Variants in SCEL observed in about 807,000 individuals in gnomAD.
SCEL encodes sciellin.
A neutral mutation model predicts 117.6 loss-of-function variants in SCEL; 113 were observed. That is an observed-to-expected ratio of 0.96 (90% CI 0.83 to 1.12). The LOEUF (loss-of-function observed/expected upper bound fraction) is 1.12. Among genes scored for constraint, SCEL ranks in the 50% most tolerant of loss-of-function variants. The pLI, the probability that SCEL is intolerant of heterozygous loss-of-function variation, is 0.00. For synonymous variants in SCEL, 270 were observed against 256.2 expected, an observed-to-expected ratio of 1.05 and a Z score of -0.51; for missense variants, 785 against 810.8, an observed-to-expected ratio of 0.97 and a Z score of 0.39.
chr13:77,568,770 G>A (rs1567360696), intron 7 of SCEL, among the ~76,000 whole-genome samples: 1 of 152,058 alleles, frequency 6.6e-6, no homozygotes, highest in Non-Finnish European at 1.5e-5. Flanking sequence ...TATTTAAATG[G>A]AACACATTTT....
At position 77,641,843 on chromosome 13, in the gene SCEL, C is replaced by T. The variant is rs116821545; in HGVS notation, c.1948-863C>T. 2.6e-3 allele frequency among the ~76,000 whole-genome samples: 389 copies of T among 152,168 alleles called. 3 individuals carry two copies. Among genetic ancestry groups the T allele is most frequent in the African/African-American group, 8.9e-3 (371 of 41,522 alleles). On this transcript the variant is annotated intron_variant, in intron 31 of 32. Transcript: ENST00000349847. ...CATAGCAATCAGAAATATAGTAACT[C>T]ATTTTGAGCAAAACATTCCAATTTT...
chr13:77,545,275 C>T (rs1246681223), intron 1 of SCEL, among the ~76,000 whole-genome samples: 1 of 152,150 alleles, frequency 6.6e-6, no homozygotes, highest in African/African-American at 2.4e-5. Flanking sequence ...GAAATAAATC[C>T]AGTTAGCTGA....
chr13:77,627,720 A>T (rs1364115992), intron 27 of SCEL, among the ~76,000 whole-genome samples: 1 of 152,044 alleles, frequency 6.6e-6, no homozygotes, highest in African/African-American at 2.4e-5. Flanking sequence ...AAACCTTCCA[A>T]AAAGTTAGTT....
chr13:77,632,011 C>G (rs2090043742), intron 28 of SCEL, among the ~76,000 whole-genome samples: 3 of 152,250 alleles, frequency 2.0e-5, no homozygotes. Context: ...GGCCTTTCCT[C>G]TGTACACAGA....
At chr13:77,620,054 A>T (rs77103415) in intron 27 of SCEL, among the ~76,000 whole-genome samples, 6,385 of 152,282 alleles carry the variant, frequency 0.042, 193 homozygotes, top group Non-Finnish European at 0.061. Flanking sequence ...TACAGATATG[A>T]TTACTATAAA....
At chr13:77,641,508 G>T (rs1055551756) in intron 31 of SCEL, among the ~76,000 whole-genome samples, 1 of 152,122 alleles carries the variant, frequency 6.6e-6, no homozygotes, top group African/African-American at 2.4e-5. Context: ...GTAAAATGAG[G>T]TGTTGACTAG....
intron 4 of SCEL, among the ~76,000 whole-genome samples, chr13:77,560,873 T>C (rs7982026): frequency 0.058 from 8,822 of 151,746 alleles, 379 homozygotes; most frequent in Admixed American, 0.11. Flanking sequence ...GTGTGGATCT[T>C]AAAAAGTTAA....
chr13:77,637,076 G>T, intron 29 of SCEL, 44 bp from the exon 30 acceptor site: 1 of 999,280 alleles, frequency 1.0e-6, no homozygotes. Flanking sequence ...ATCTACATAA[G>T]GAAAATCACC....
In SCEL at chr13:77,617,882, A is replaced by G. The variant is rs553753613; in HGVS notation, c.1571+20A>G. ...TCAGAGGTATATATAGAAGCAGTCA[A>G]TTCATGTTTTTATTTGTCTGTTGCC... On this transcript the variant is annotated intron_variant, in intron 26 of 32. Coordinates refer to ENST00000349847, the MANE Select transcript of SCEL (RefSeq NM_144777.3). 67 of 1,597,582 alleles carry G rather than the reference A, an allele frequency of 4.2e-5. No homozygotes were observed. The East Asian group carries it at 4.7e-4, about 11-fold the overall frequency.
chr13:77,630,544 G>A (rs892377099), intron 28 of SCEL, among the ~76,000 whole-genome samples: 1 of 152,160 alleles, frequency 6.6e-6, no homozygotes, highest in African/African-American at 2.4e-5. Flanking sequence ...TCTCTTAGGT[G>A]TATACCAGGA....
At chr13:77,634,160 C>T (rs779882042) in intron 28 of SCEL, among the ~76,000 whole-genome samples, 1 of 152,064 alleles carries the variant, frequency 6.6e-6, no homozygotes, top group Non-Finnish European at 1.5e-5. Context: ...TGTAACAATG[C>T]TTAGGAAGTA....
At chr13:77,607,668 G>A (rs566466874) in intron 19 of SCEL, among the ~76,000 whole-genome samples, 1 of 152,200 alleles carries the variant, frequency 6.6e-6, no homozygotes, top group South Asian at 2.1e-4. Context: ...CATGTTGGAG[G>A]TTGATAAAGA....
intron 1 of SCEL, among the ~76,000 whole-genome samples, chr13:77,544,779 A>T (rs577868319): frequency 3.3e-5 from 5 of 152,288 alleles, no homozygotes; most frequent in African/African-American, 1.2e-4. Flanking sequence ...GAAATAGGAG[A>T]TGCTGATAGT....
intron 27 of SCEL, among the ~76,000 whole-genome samples, chr13:77,621,457 G>T (rs954772332): frequency 2.6e-5 from 4 of 152,234 alleles, no homozygotes; most frequent in Admixed American, 2.0e-4. Context: ...CTCTCACTCA[G>T]GCTCTGGGAA....
intron 1 of SCEL, among the ~76,000 whole-genome samples, chr13:77,542,829 T>C (rs993047163): frequency 2.6e-5 from 4 of 152,184 alleles, no homozygotes; most frequent in African/African-American, 9.6e-5. Context: ...TGTTTATTGA[T>C]CTGTAATTAT....
intron 32 of SCEL, among the ~76,000 whole-genome samples, chr13:77,643,836 C>A: frequency 6.6e-6 from 1 of 152,108 alleles, no homozygotes; most frequent in East Asian, 1.9e-4. Context: ...ATTCACTTTT[C>A]TTCCTGAGTT....
intron 3 of SCEL, among the ~76,000 whole-genome samples, chr13:77,558,797 G>A (rs1037464222): frequency 2.4e-5 from 3 of 123,448 alleles, no homozygotes; most frequent in Admixed American, 1.1e-4. Flanking sequence ...CAGCCTGGGC[G>A]ACAGAGCAAG....
In SCEL at chr13:77,644,370, T is replaced by C. The variant is rs565213528; in HGVS notation, c.*96T>C. 9 of 1,224,190 alleles carry C rather than the reference T, an allele frequency of 7.4e-6. No homozygotes were observed. The East Asian group carries it at 1.4e-4, about 20-fold the overall frequency. 75.8% of individuals were successfully genotyped at this position (1,224,190 alleles called of 1,614,324 possible). A position where few individuals can be genotyped will look rare whatever the true frequency, so the allele number is the denominator to read the frequency against. On this transcript the variant is annotated 3_prime_UTR_variant, in exon 33 of 33. Transcript: ENST00000349847. ...TATGTAATCTAGAAAAGCTTTCACA[T>C]TGAAGATCAACTCTTGTACAAAATT...
chr13:77,573,553 G>T (rs760856805), intron 9 of SCEL, among the ~76,000 whole-genome samples: 5 of 152,076 alleles, frequency 3.3e-5, no homozygotes, highest in African/African-American at 4.8e-5. Flanking sequence ...GCAATAATTT[G>T]AGTGGGCTCT....
Sources: gnomAD v4.1 joint callset for allele counts (sites outside exome capture counted in the v4.1 genomes callset) on GRCh38, gnomAD v4.1.1 for gene constraint, MANE v1.5 for transcripts, NCBI Gene and HGNC (gene_info 2026-07-23, HGNC 2026-07-21) for gene names.